Variants in IQCB1 observed in about 807,000 individuals in gnomAD.
The protein encoded by IQCB1 is IQ calmodulin-binding motif-containing protein 1.
IQCB1 carries 56 observed loss-of-function variants against 84.4 expected under a neutral mutation model. The observed-to-expected ratio is 0.66, with a 90% CI of 0.54 to 0.83. The LOEUF is 0.83. IQCB1 is among the 40% of genes least tolerant of loss of function. IQCB1 has a pLI of 0.00. For synonymous variants in IQCB1, 210 were observed against 234.8 expected (o/e 0.89, Z 0.96); for missense variants, 629 against 682.1 (o/e 0.92, Z 0.87).
Position 121,815,954 on chromosome 3 carries a change from C to A in IQCB1, c.394-6945G>T, listed in dbSNP as rs371994082. 2.0e-5 allele frequency among the ~76,000 whole-genome samples: 3 copies of A among 147,278 alleles called. No individual in the cohort carries two copies. The East Asian group carries it at 5.9e-4, about 29-fold the overall frequency. ...AAAAAAAAAAAAAAAAAAAAGAGCC[C>A]GTATAGCCAAGACAATCCTAAGCAA... On this transcript the variant is annotated intron_variant, in intron 5 of 14. Coordinates refer to ENST00000310864, the MANE Select transcript of IQCB1 (RefSeq NM_001023570.4).
chr3:121,830,320 T>C (rs2108647400), intron 2 of IQCB1, among the ~76,000 whole-genome samples: 1 of 151,822 alleles, frequency 6.6e-6, no homozygotes, highest in Middle Eastern at 3.4e-3. Context: ...TTTCTCTATG[T>C]AAAAAAAGTT....
chr3:121,829,571 T>C (rs1384017738), intron 2 of IQCB1, among the ~76,000 whole-genome samples: 2 of 152,202 alleles, frequency 1.3e-5, no homozygotes, highest in African/African-American at 4.8e-5. Context: ...AGGGTGCCTA[T>C]GTGGCCATCC....
intron 12 of IQCB1, among the ~76,000 whole-genome samples, chr3:121,784,005 A>G (rs970516475): frequency 1.3e-5 from 2 of 152,192 alleles, no homozygotes; most frequent in Non-Finnish European, 2.9e-5. Flanking sequence ...AGTATTATGA[A>G]ACAAATGTAG....
chr3:121,791,739 T>C (rs1286101308), intron 10 of IQCB1, among the ~76,000 whole-genome samples: 4 of 152,206 alleles, frequency 2.6e-5, no homozygotes, highest in Admixed American at 2.0e-4. Context: ...TACCCATTCA[T>C]AGAGGGTAAA....
intron 4 of IQCB1, among the ~76,000 whole-genome samples, 193 bp from the exon 5 acceptor site, chr3:121,826,373 G>A (rs921752760): frequency 3.3e-5 from 5 of 152,244 alleles, no homozygotes; most frequent in Middle Eastern, 3.4e-3. Flanking sequence ...CTTGTACTTA[G>A]GTCTGGGATT....
At chr3:121,808,793 T>C in intron 6 of IQCB1, 123 bp downstream of exon 6, 1 of 630,936 alleles carries the variant, frequency 1.6e-6, no homozygotes, top group Non-Finnish European at 2.9e-6. Context: ...TATTTCAACA[T>C]GGTTTCATTT....
At chr3:121,799,175 A>C in intron 8 of IQCB1, 21 bp downstream of exon 8, 3 of 1,582,790 alleles carry the variant, frequency 1.9e-6, no homozygotes, top group Non-Finnish European at 2.6e-6. Flanking sequence ...ATCCCAAGAA[A>C]AGAAAGAATG....
Position 121,781,725 on chromosome 3 carries a change from G to T in IQCB1, c.1410+18C>A. On this transcript the variant is annotated intron_variant, in intron 13 of 14. Transcript: ENST00000310864. ...CATTGGAATAATGTAATACTGATAT[G>T]GTACAGAAGCTTCATACCAAATGTC... The T allele has an allele frequency of 6.2e-7, 1 of 1,607,104 alleles. No individual in the cohort carries two copies. The highest frequency in any genetic ancestry group is 1.1e-5 in the South Asian group (1 of 90,806).
intron 5 of IQCB1, among the ~76,000 whole-genome samples, chr3:121,818,409 C>T (rs535477144): frequency 6.6e-6 from 1 of 152,300 alleles, no homozygotes; most frequent in South Asian, 2.1e-4. Context: ...CAGCTTGGAG[C>T]AAAATAATCC....
chr3:121,781,663 A>ACACACAC, intron 13 of IQCB1, 80 bp downstream of exon 13: 13 of 1,046,400 alleles, frequency 1.2e-5, no homozygotes, highest in African/African-American at 3.3e-5. Flanking sequence ...ACACACACAC[A>ACACACAC]ATATATGTGT....
At chr3:121,795,053 T>C (rs1949125192) in intron 10 of IQCB1, among the ~76,000 whole-genome samples, 1 of 152,254 alleles carries the variant, frequency 6.6e-6, no homozygotes, top group African/African-American at 2.4e-5. Context: ...AATGAAGATA[T>C]CCATCCATGC....
rs189621292 is a variant in IQCB1 at position 121,780,925 on chromosome 3, C to T, written c.1410+818G>A. 2.8e-3 allele frequency among the ~76,000 whole-genome samples: 433 copies of T among 152,058 alleles called. 3 individuals carry two copies. Among genetic ancestry groups the T allele is most frequent in the South Asian group, 0.016 (75 of 4,818 alleles). On this transcript the variant is annotated intron_variant, in intron 13 of 14. Transcript: ENST00000310864. Reference sequence around the variant, plus strand: ...ATGAACTCAGGCACAAACACCACCACCACAATCACAACAAAACTCGTGAAA... The same window carrying T: ...ATGAACTCAGGCACAAACACCACCATCACAATCACAACAAAACTCGTGAAA...
rs1950251039 is a variant in IQCB1 at position 121,820,942 on chromosome 3, T to C, written c.393+5109A>G. Among the ~76,000 whole-genome samples the C allele has an allele frequency of 6.0e-5, 9 of 151,234 alleles. No individual in the cohort carries two copies. In the South Asian group the frequency reaches 1.9e-3, roughly 32 times the overall value. The stretch of plus-strand genomic sequence containing the variant: ...TCCTCAAAAAAAAAAGCCTCTTCAC[T>C]ATCGTAGAATCAAGTTCAAACTTTT... On this transcript the variant is annotated intron_variant, in intron 5 of 14. Transcript: ENST00000310864.
At chr3:121,804,596 A>C (rs1348293915) in intron 7 of IQCB1, among the ~76,000 whole-genome samples, 1 of 151,466 alleles carries the variant, frequency 6.6e-6, no homozygotes. Flanking sequence ...CCTTATCTCT[A>C]TTTCTCTATA....
chr3:121,827,835 TA>T (rs1177084789), intron 4 of IQCB1, among the ~76,000 whole-genome samples: 1 of 152,124 alleles, frequency 6.6e-6, no homozygotes, highest in East Asian at 1.9e-4. Flanking sequence ...TTTCACTTAT[TA>T]ATCAGGAAGT....
chr3:121,809,424 T>C (rs1322892184), intron 5 of IQCB1, among the ~76,000 whole-genome samples: 1 of 152,056 alleles, frequency 6.6e-6, no homozygotes, highest in Non-Finnish European at 1.5e-5. Flanking sequence ...GATTTGGTTT[T>C]ACAACTTGGG....
chr3:121,782,889 C>T (rs1303826906), intron 12 of IQCB1, among the ~76,000 whole-genome samples: 1 of 152,116 alleles, frequency 6.6e-6, no homozygotes, highest in East Asian at 1.9e-4. Flanking sequence ...CCATGTTAGC[C>T]AGGCTGTGAT....
chr3:121,802,793 A>C lies in IQCB1; in HGVS notation c.588-3419T>G, dbSNP rs532046157. 6.6e-5 allele frequency among the ~76,000 whole-genome samples: 10 copies of C among 152,306 alleles called. No homozygotes were observed. The South Asian group carries it at 2.1e-3, about 32-fold the overall frequency. On this transcript the variant is annotated intron_variant, in intron 7 of 14. Transcript: ENST00000310864. ...TCTTCTTTTCTAATATATAGGCATT[A>C]GTGATATAAATTTCCCCTAAGTATC...
At chr3:121,777,553 T>A (rs1948280204) in intron 13 of IQCB1, among the ~76,000 whole-genome samples, 1 of 152,240 alleles carries the variant, frequency 6.6e-6, no homozygotes, top group South Asian at 2.1e-4. Context: ...AAATTCATTA[T>A]GTGACACATG....
Sources: gnomAD v4.1 joint callset for allele counts (sites outside exome capture counted in the v4.1 genomes callset) on GRCh38, gnomAD v4.1.1 for gene constraint, MANE v1.5 for transcripts, NCBI Gene and HGNC (gene_info 2026-07-23, HGNC 2026-07-21) for gene names.